The following BCAS3 variants were observed in gnomAD, a reference collection of about 807,000 sequenced individuals.
BCAS3 encodes the protein BCAS3 microtubule associated cell migration factor.
Under a neutral mutation model 116.1 loss-of-function variants are expected in BCAS3, and 53 were observed. The observed-to-expected ratio is 0.46, with a 90% CI of 0.37 to 0.57. BCAS3 has a LOEUF of 0.57. BCAS3 is among the 20% of genes least tolerant of loss of function. The pLI, the probability that BCAS3 is intolerant of heterozygous loss-of-function variation, is 0.00. For synonymous variants in BCAS3, 391 were observed against 408.2 expected (o/e 0.96, Z 0.51); for missense variants, 917 against 1,165.4 (o/e 0.79, Z 3.10).
rs1353985008 is a variant in BCAS3 at position 60,994,473 on chromosome 17, T to A, written c.1486+4238T>A. ...TGGTTAAGAATCCCTGATCATCATT[T>A]TTTCCCTCATCTATATCAGTAATTT... On this transcript the variant is annotated intron_variant, in intron 15 of 23. Transcript: ENST00000407086. The surrounding 1 kb of genome is among the most constrained non-coding windows in gnomAD (Gnocchi z 4.4). Among the ~76,000 whole-genome samples the A allele has an allele frequency of 1.3e-5, 2 of 152,100 alleles. No individual in the cohort carries two copies. Among genetic ancestry groups the A allele is most frequent in the African/African-American group, 4.8e-5 (2 of 41,418 alleles).
In BCAS3 at chr17:61,156,211, A is replaced by C. The variant is rs2077828260; in HGVS notation, c.2425+71647A>C. On this transcript the variant is annotated intron_variant, in intron 22 of 23. Coordinates refer to ENST00000407086, the MANE Select transcript of BCAS3 (RefSeq NM_017679.5). This position sits in a 1 kb window ranked among gnomAD's most constrained non-coding sequence, Gnocchi z 4.7. Reference sequence around the variant, plus strand: ...GAAAAGTAAAATCTGAGTTGTTACTAAGCCTAATTCTCTGGTTAAAGTTTG... The same window carrying C: ...GAAAAGTAAAATCTGAGTTGTTACTCAGCCTAATTCTCTGGTTAAAGTTTG... 6.6e-6 allele frequency among the ~76,000 whole-genome samples: 1 copy of C among 152,102 alleles called. No individual in the cohort carries two copies. The highest frequency in any genetic ancestry group is 6.5e-5 in the Admixed American group (1 of 15,274).
intron 14 of BCAS3, among the ~76,000 whole-genome samples, chr17:60,963,520 AGATTGTTCCCTGTT>A (rs1316241558): frequency 4.0e-5 from 6 of 149,830 alleles, no homozygotes; most frequent in African/African-American, 1.5e-4. Context: ...TTTCTTTTTC[AGATTGTTCCCTGTT>A]GATGTATATA....
chr17:60,765,846 T>C (rs2044038145), intron 6 of BCAS3, among the ~76,000 whole-genome samples: 1 of 152,218 alleles, frequency 6.6e-6, no homozygotes, highest in Non-Finnish European at 1.5e-5. Context: ...GTAGATTTGG[T>C]CTTTTCACAT....
chr17:61,176,412 T>A (rs907154737), intron 22 of BCAS3, among the ~76,000 whole-genome samples: 1 of 150,842 alleles, frequency 6.6e-6, no homozygotes, highest in African/African-American at 2.4e-5. Context: ...TAATTTTTAT[T>A]CTTACTTCCT....
chr17:61,161,349 C>T lies in BCAS3; in HGVS notation c.2425+76785C>T, dbSNP rs974252518. 5.9e-5 allele frequency among the ~76,000 whole-genome samples: 9 copies of T among 152,116 alleles called. No individual in the cohort carries two copies. Among genetic ancestry groups the T allele is most frequent in the African/African-American group, 2.2e-4 (9 of 41,418 alleles). On this transcript the variant is annotated intron_variant, in intron 22 of 23. Transcript: ENST00000407086. This position sits in a 1 kb window ranked among gnomAD's most constrained non-coding sequence, Gnocchi z 4.8. ...TATTGTTAAAGAGGTATTCTGGTTA[C>T]ATTTGGAATTTAGAAAAGGCCTGGG...
At chr17:60,816,571 C>T (rs1270855824) in intron 7 of BCAS3, among the ~76,000 whole-genome samples, 1 of 152,094 alleles carries the variant, frequency 6.6e-6, no homozygotes, top group Non-Finnish European at 1.5e-5. Context: ...CCGCGGCTGG[C>T]CAGCTTTTCA....
chr17:60,979,416 G>A (rs2062642216), intron 14 of BCAS3, among the ~76,000 whole-genome samples: 1 of 149,386 alleles, frequency 6.7e-6, no homozygotes, highest in Non-Finnish European at 1.5e-5. Flanking sequence ...GAGACAATGG[G>A]GTTTTCTAGA....
intron 19 of BCAS3, among the ~76,000 whole-genome samples, chr17:61,061,043 C>A (rs2069972265): frequency 6.6e-6 from 1 of 152,134 alleles, no homozygotes; most frequent in Non-Finnish European, 1.5e-5. Flanking sequence ...TTTCCCCTAT[C>A]CTCTCGGTTT....
intron 7 of BCAS3, among the ~76,000 whole-genome samples, chr17:60,865,186 C>T (rs1171846686): frequency 1.3e-5 from 2 of 151,728 alleles, no homozygotes; most frequent in Non-Finnish European, 2.9e-5. Context: ...TCCCACAAAC[C>T]TTCAATTTGT....
intron 6 of BCAS3, among the ~76,000 whole-genome samples, chr17:60,770,792 T>G (rs933151381): frequency 3.3e-5 from 5 of 150,702 alleles, no homozygotes; most frequent in Non-Finnish European, 7.4e-5. Flanking sequence ...AGGTGCATAC[T>G]ATCTGCAGTA....
chr17:60,796,781 A>G (rs1394236530), intron 6 of BCAS3, among the ~76,000 whole-genome samples: 2 of 151,634 alleles, frequency 1.3e-5, no homozygotes, highest in African/African-American at 2.4e-5. Context: ...TTGTTTCTCT[A>G]GTTCCTTGAG....
intron 22 of BCAS3, among the ~76,000 whole-genome samples, chr17:61,183,654 G>A (rs1366928402): frequency 6.6e-6 from 1 of 152,110 alleles, no homozygotes; most frequent in Non-Finnish European, 1.5e-5. Context: ...TCTACAATAT[G>A]GTATGTCCAG....
chr17:61,210,361 G>T (rs2081385199), intron 22 of BCAS3, among the ~76,000 whole-genome samples: 1 of 152,074 alleles, frequency 6.6e-6, no homozygotes, highest in African/African-American at 2.4e-5. Flanking sequence ...CTAATACAGT[G>T]GCTTGTTAAC....
intron 22 of BCAS3, among the ~76,000 whole-genome samples, chr17:61,284,126 A>G (rs990468732): frequency 2.0e-5 from 3 of 152,238 alleles, no homozygotes; most frequent in Non-Finnish European, 4.4e-5. Context: ...AAACACACCA[A>G]TCAGCACTCT....
chr17:61,280,071 A>G (rs990609990), intron 22 of BCAS3, among the ~76,000 whole-genome samples: 4 of 152,170 alleles, frequency 2.6e-5, no homozygotes, highest in Non-Finnish European at 5.9e-5. Flanking sequence ...CTGGTTCAAC[A>G]AAGAGTAGAG....
chr17:61,264,041 T>C (rs1005615916), intron 22 of BCAS3, among the ~76,000 whole-genome samples: 1 of 152,196 alleles, frequency 6.6e-6, no homozygotes. Context: ...AGTAAAGTTA[T>C]GTGGATTCTA....
Position 61,118,780 on chromosome 17 carries a change from T to C in BCAS3, c.2425+34216T>C, listed in dbSNP as rs1255350971. On this transcript the variant is annotated intron_variant, in intron 22 of 23. Transcript: ENST00000407086. This position sits in a 1 kb window ranked among gnomAD's most constrained non-coding sequence, Gnocchi z 5.0. ...AAAAGCATAGACAGACCTTGAGGTGTAGAAATGTTCAATAACCTTTACCAA... is the reference window on the plus strand; with the variant it reads ...AAAAGCATAGACAGACCTTGAGGTGCAGAAATGTTCAATAACCTTTACCAA... Among the ~76,000 whole-genome samples, 1 of 152,142 alleles carries C rather than the reference T, an allele frequency of 6.6e-6. No homozygotes were observed. Among genetic ancestry groups the C allele is most frequent in the Non-Finnish European group, 1.5e-5 (1 of 68,034 alleles).
Position 60,993,616 on chromosome 17 carries a change from G to A in BCAS3, c.1486+3381G>A, listed in dbSNP as rs937707043. 6.6e-6 allele frequency among the ~76,000 whole-genome samples: 1 copy of A among 152,078 alleles called. No homozygotes were observed. The highest frequency in any genetic ancestry group is 6.6e-5 in the Admixed American group (1 of 15,264). ...TGTATCTTACATGTCATAACAAAAT[G>A]GGCATTGTTGGTTAGTTCTAAAAAT... is the stretch of plus-strand genomic sequence containing the variant. On this transcript the variant is annotated intron_variant, in intron 15 of 23. Coordinates refer to ENST00000407086, the MANE Select transcript of BCAS3 (RefSeq NM_017679.5). This position sits in a 1 kb window ranked among gnomAD's most constrained non-coding sequence, Gnocchi z 4.2.
rs2081280464 is a variant in BCAS3, at chr17:61,208,600, C to T, written c.2425+124036C>T. ...ACGTGGTCATCCCAAATGCTAATAT[C>T]AGAGACTCTCTTTTAAAGCTACTAG... is the stretch of plus-strand genomic sequence containing the variant. On this transcript the variant is annotated intron_variant, in intron 22 of 23. Transcript: ENST00000407086. This position sits in a 1 kb window ranked among gnomAD's most constrained non-coding sequence, Gnocchi z 4.5. 1.3e-5 allele frequency among the ~76,000 whole-genome samples: 2 copies of T among 152,154 alleles called. No individual in the cohort carries two copies. The highest frequency in any genetic ancestry group is 4.1e-4 in the South Asian group (2 of 4,832).
Sources: gnomAD v4.1 joint callset for allele counts (sites outside exome capture counted in the v4.1 genomes callset) on GRCh38, gnomAD v4.1.1 for gene constraint, Gnocchi (gnomAD v3.1) non-coding constraint, MANE v1.5 for transcripts, NCBI Gene and HGNC (gene_info 2026-07-23, HGNC 2026-07-21) for gene names.